CASZ1: variants seen among roughly 807,000 people sequenced by gnomAD.
CASZ1 encodes castor zinc finger 1, also known as zinc finger protein castor homolog 1.
CASZ1 carries 28 observed loss-of-function variants against 135.2 expected under a neutral mutation model. The ratio of observed to expected loss-of-function variants is 0.21; its 90% confidence interval spans 0.15 to 0.28. The LOEUF (loss-of-function observed/expected upper bound fraction) is 0.28. CASZ1 is among the 10% of genes least tolerant of loss of function. CASZ1 has a pLI of 1.00. For missense variants in CASZ1, 2,161 were observed against 2,453.3 expected, an observed-to-expected ratio of 0.88 and a Z score of 2.52; for synonymous variants, 1,068 against 1,073.4, an observed-to-expected ratio of 0.99 and a Z score of 0.10.
At chr1:10,775,998 G>A (rs529863986) in intron 1 of CASZ1, among the ~76,000 whole-genome samples, 2 of 152,200 alleles carry the variant, frequency 1.3e-5, no homozygotes, top group Non-Finnish European at 2.9e-5. Context: ...CAGGGCTCCC[G>A]CCTCCCAAGT....
In CASZ1 at chr1:10,644,858, G is replaced by A. The variant is rs570629736; in HGVS notation, c.3868+59C>T. 9.2e-5 allele frequency: 142 copies of A among 1,538,678 alleles called. 1 individual carries two copies. The African/African-American group carries it at 1.4e-3, about 15-fold the overall frequency. On this transcript the variant is annotated intron_variant, in intron 18 of 20. Coordinates refer to ENST00000377022, the MANE Select transcript of CASZ1 (RefSeq NM_001079843.3). Reference sequence around the variant, plus strand: ...TACCAGGAGAGGCGGCCCAGGCCACGGGGGCCATGGTCTTGATGCCTGCTG... The same window carrying A: ...TACCAGGAGAGGCGGCCCAGGCCACAGGGGCCATGGTCTTGATGCCTGCTG...
At chr1:10,645,701 C>T (rs1269433391) in intron 17 of CASZ1, among the ~76,000 whole-genome samples, 1 of 152,224 alleles carries the variant, frequency 6.6e-6, no homozygotes, top group Non-Finnish European at 1.5e-5. Context: ...CACTTCTGGG[C>T]CCAGTTTCCC....
chr1:10,650,879 C>A, intron 12 of CASZ1, 62 bp downstream of exon 12: 2 of 1,605,926 alleles, frequency 1.2e-6, no homozygotes, highest in South Asian at 2.2e-5. Flanking sequence ...CGGGACCACC[C>A]CGGGGCTCCA....
rs1349314947 is a variant in CASZ1, at chr1:10,717,307, C to T, written c.-76-11763G>A. ...GCTCCCCAGTTCCCCAAACTTCCCA[C>T]TTGGCTTCTCTGCCTTTCTGTCCGA... On this transcript the variant is annotated intron_variant, in intron 2 of 20. Transcript: ENST00000377022. This position sits in a 1 kb window ranked among gnomAD's most constrained non-coding sequence, Gnocchi z 4.6. 1.3e-5 allele frequency among the ~76,000 whole-genome samples: 2 copies of T among 152,210 alleles called. No homozygotes were observed. Among genetic ancestry groups the T allele is most frequent in the African/African-American group, 2.4e-5 (1 of 41,454 alleles).
At chr1:10,728,667 G>T (rs1305244420) in intron 2 of CASZ1, among the ~76,000 whole-genome samples, 1 of 151,744 alleles carries the variant, frequency 6.6e-6, no homozygotes, top group Non-Finnish European at 1.5e-5. Flanking sequence ...ATTGACGGGG[G>T]TTGCCATGGA....
In CASZ1 at chr1:10,657,185, C is replaced by T. The variant is rs1477952371; in HGVS notation, c.1410-449G>A. 3.3e-5 allele frequency among the ~76,000 whole-genome samples: 5 copies of T among 152,346 alleles called. No homozygotes were observed. The highest frequency in any genetic ancestry group is 3.9e-4 in the East Asian group (2 of 5,176). ...CCTGGGCTTTTCCTGACACTTGAAA[C>T]AGTGCAGAGCTATGAATTTTTAAAG... On this transcript the variant is annotated intron_variant, in intron 7 of 20. Transcript: ENST00000377022. The surrounding 1 kb of genome is among the most constrained non-coding windows in gnomAD (Gnocchi z 5.7).
Position 10,701,211 on chromosome 1 carries a change from C to T in CASZ1, c.-24+4281G>A, listed in dbSNP as rs1030188798. ...CTGCTCCCTGGCAGGGAAGCGGGTA[C>T]GTGGCCCTCCTCCTGCCTCCTGCCC... is the stretch of plus-strand genomic sequence containing the variant. On this transcript the variant is annotated intron_variant, in intron 3 of 20. Coordinates refer to ENST00000377022, the MANE Select transcript of CASZ1 (RefSeq NM_001079843.3). The surrounding 1 kb of genome is among the most constrained non-coding windows in gnomAD (Gnocchi z 6.3). Among the ~76,000 whole-genome samples the T allele has an allele frequency of 3.3e-5, 5 of 152,212 alleles. No homozygotes were observed. Among genetic ancestry groups the T allele is most frequent in the East Asian group, 1.9e-4 (1 of 5,194 alleles).
Position 10,647,115 on chromosome 1 carries a change from G to T in CASZ1, c.3497+686C>A. ...CTGGGGAGGAGGAGGGGGAGGGGAG[G>T]CTGGTGGGGGGGACGGAGAACAGTG... On this transcript the variant is annotated intron_variant, in intron 16 of 20. Transcript: ENST00000377022. This position sits in a 1 kb window ranked among gnomAD's most constrained non-coding sequence, Gnocchi z 4.9. The T allele has an allele frequency of 2.2e-6, 1 of 449,678 alleles. No individual in the cohort carries two copies. The highest frequency in any genetic ancestry group is 2.9e-6 in the Non-Finnish European group (1 of 340,632). The allele number at this position is 449,678 out of a possible 1,614,324, so 27.9% of individuals were successfully genotyped here.
rs866037357 is a variant in CASZ1 at position 10,657,999 on chromosome 1, T to C, written c.1409+509A>G. 5.2e-3 allele frequency: 755 copies of C among 144,010 alleles called. 11 individuals are homozygous for C. The highest frequency in any genetic ancestry group is 0.018 in the African/African-American group (720 of 40,424). 8.9% of individuals were successfully genotyped at this position (144,010 alleles called of 1,614,324 possible). A position where few individuals can be genotyped will look rare whatever the true frequency, so the allele number is the denominator to read the frequency against. ...TTCTCTCTCGCTTTCTCTCTCTCTT[T>C]TTTTTTTTTTTTTTAAAGAGATAGG... On this transcript the variant is annotated intron_variant, in intron 7 of 20. Coordinates refer to ENST00000377022, the MANE Select transcript of CASZ1 (RefSeq NM_001079843.3). This position sits in a 1 kb window ranked among gnomAD's most constrained non-coding sequence, Gnocchi z 5.7.
At chr1:10,665,982 G>A (rs1557487217) in intron 4 of CASZ1, among the ~76,000 whole-genome samples, 1 of 152,144 alleles carries the variant, frequency 6.6e-6, no homozygotes, top group Non-Finnish European at 1.5e-5. Flanking sequence ...CCGGCTATGC[G>A]GTCAGGCTGT....
At chr1:10,648,908 G>A in intron 15 of CASZ1, 162 bp downstream of exon 15, 5 of 945,408 alleles carry the variant, frequency 5.3e-6, no homozygotes, top group Admixed American at 5.1e-5. Context: ...CATGTGTGAA[G>A]GAGGATGGGA....
rs887945463 is a variant in CASZ1 at position 10,762,800 on chromosome 1, C to A, written c.-233-1943G>T. Among the ~76,000 whole-genome samples the A allele has an allele frequency of 6.6e-6, 1 of 152,120 alleles. No individual in the cohort carries two copies. Among genetic ancestry groups the A allele is most frequent in the East Asian group, 1.9e-4 (1 of 5,182 alleles). Reference sequence around the variant, plus strand: ...AACTCCAGGCAAGGCGCTGGCAAGACCAGGGGCTGACCACAGGCCAACGGT... The same window carrying A: ...AACTCCAGGCAAGGCGCTGGCAAGAACAGGGGCTGACCACAGGCCAACGGT... On this transcript the variant is annotated intron_variant, in intron 1 of 20. Transcript: ENST00000377022. This position sits in a 1 kb window ranked among gnomAD's most constrained non-coding sequence, Gnocchi z 4.1.
intron 9 of CASZ1, among the ~76,000 whole-genome samples, 194 bp downstream of exon 9, chr1:10,655,455 C>T (rs1257957832): frequency 6.6e-6 from 1 of 152,286 alleles, no homozygotes; most frequent in African/African-American, 2.4e-5. Context: ...CCACCAGACG[C>T]TGCCCAAGCC....
chr1:10,716,189 A>G (rs1639389278), intron 2 of CASZ1, among the ~76,000 whole-genome samples: 1 of 138,188 alleles, frequency 7.2e-6, no homozygotes, highest in Non-Finnish European at 1.5e-5. Context: ...CGCTCTCCAC[A>G]GCACCCAATC....
chr1:10,642,816 G>A (rs773373628), intron 20 of CASZ1, 43 bp downstream of exon 20: 1 of 1,601,588 alleles, frequency 6.2e-7, no homozygotes, highest in Admixed American at 1.7e-5. Flanking sequence ...TGGGCTTTGG[G>A]AGTGGGGCCT....
Position 10,639,825 on chromosome 1 carries a change from T to C in CASZ1, c.4397A>G (p.Tyr1466Cys), listed in dbSNP as rs1183796629. ...HYHCTRENCG[Y>C]KFCGRTHMYK... ...CATGTGCGTGCGCCCGCAGAACTTG[T>C]AGCCGCAGTTCTCGCGCGTGCAGTG... Residue 1466 changes from tyrosine to cysteine, a missense_variant, in exon 21 of 21, where the codon TAC becomes TGC. Physicochemically the swap from Tyr to Cys is radical, Grantham distance 194. Transcript: ENST00000377022. This position sits in a 1 kb window ranked among gnomAD's most constrained non-coding sequence, Gnocchi z 4.0. 6.2e-7 allele frequency: 1 copy of C among 1,610,752 alleles called. No homozygotes were observed. The highest frequency in any genetic ancestry group is 1.3e-5 in the African/African-American group (1 of 75,040).
chr1:10,660,527 G>A lies in CASZ1; in HGVS notation c.515C>T (p.Ser172Phe), dbSNP rs139756972. The change falls in exon 6 of 21, where the codon TCC (serine) becomes TTC (phenylalanine). Residue 172 changes from serine to phenylalanine, a missense_variant. Physicochemically the swap from Ser to Phe is radical, Grantham distance 155 (BLOSUM62 -2). Around this residue, in one of 7 missense-constraint regions of CASZ1, gnomAD observed 590 missense variants for 609.8 expected, o/e 0.97. Transcript: ENST00000377022. ...GGAGGCCGCGTAGTCCCGCAGCGAG[G>A]AGGCCTCTCCTGCAGAGGAGGATGG... is the stretch of plus-strand genomic sequence containing the variant. ...PSTRQASGEA[S>F]SLRDYAASTM... 1.2e-6 allele frequency: 2 copies of A among 1,611,998 alleles called. No individual in the cohort carries two copies. The highest frequency in any genetic ancestry group is 2.7e-5 in the African/African-American group (2 of 74,934).
intron 1 of CASZ1, among the ~76,000 whole-genome samples, chr1:10,786,079 C>T (rs1167031580): frequency 1.3e-5 from 2 of 152,232 alleles, no homozygotes; most frequent in South Asian, 2.1e-4. Context: ...GAGGCGCTCT[C>T]GTGGGCACGA....
intron 1 of CASZ1, among the ~76,000 whole-genome samples, chr1:10,795,674 G>GCT (rs1365463311): frequency 6.6e-6 from 1 of 152,260 alleles, no homozygotes; most frequent in East Asian, 1.9e-4. Flanking sequence ...GGCTCCCCGT[G>GCT]CCCTGTGTTG....
Sources: gnomAD v4.1 joint callset for allele counts (sites outside exome capture counted in the v4.1 genomes callset) on GRCh38, gnomAD v4.1.1 for gene constraint, gnomAD v4.1.1 regional missense constraint, Gnocchi (gnomAD v3.1) non-coding constraint, MANE v1.5 for transcripts, NCBI Gene and HGNC (gene_info 2026-07-23, HGNC 2026-07-21) for gene names.